GPR89B: variants seen among roughly 807,000 people sequenced by gnomAD.
GPR89B encodes G protein-coupled receptor 89B.
Under a neutral mutation model 52.4 loss-of-function variants are expected in GPR89B, and 25 were observed. The ratio of observed to expected loss-of-function variants is 0.48; its 90% confidence interval spans 0.35 to 0.67. The LOEUF is 0.67. GPR89B is among the 30% of genes least tolerant of loss of function. GPR89B has a pLI of 0.01. For missense variants in GPR89B, 146 were observed against 450.2 expected, an observed-to-expected ratio of 0.32 and a Z score of 6.11; for synonymous variants, 52 against 151.2, an observed-to-expected ratio of 0.34 and a Z score of 4.81.
chr1:148,015,743 T>C, the GPR89B span, among the ~76,000 whole-genome samples: 4 of 149,828 alleles, frequency 2.7e-5, no homozygotes, highest in Non-Finnish European at 5.9e-5. Context: ...TAGTCATTCT[T>C]GTACGGGCAT....
At chr1:148,019,838 A>AG in the GPR89B span, among the ~76,000 whole-genome samples, 80 of 152,014 alleles carry the variant, frequency 5.3e-4, 2 homozygotes, top group Admixed American at 7.8e-4. Context: ...AGGTGAAGAG[A>AG]AGAATTCTGG....
chr1:147,942,216 A>G (rs1654612430), intron 3 of GPR89B, among the ~76,000 whole-genome samples: 2 of 151,882 alleles, frequency 1.3e-5, no homozygotes, highest in Non-Finnish European at 2.9e-5. Flanking sequence ...TAGATGCCCA[A>G]TACCATTAGC....
intron 5 of GPR89B, among the ~76,000 whole-genome samples, chr1:147,949,036 G>A (rs371976853): frequency 6.6e-6 from 1 of 152,054 alleles, no homozygotes; most frequent in South Asian, 2.1e-4. Context: ...ATTTAACCCT[G>A]AGTGGACACA....
intron 7 of GPR89B, among the ~76,000 whole-genome samples, chr1:147,963,642 A>G (rs1425927673): frequency 6.6e-6 from 1 of 152,148 alleles, no homozygotes; most frequent in African/African-American, 2.4e-5. Flanking sequence ...ACATCGAGAT[A>G]ATCACTACAC....
chr1:148,002,386 A>G, the GPR89B span, among the ~76,000 whole-genome samples: 1 of 152,052 alleles, frequency 6.6e-6, no homozygotes, highest in African/African-American at 2.4e-5. Flanking sequence ...CTATTACAGC[A>G]CCTTACCTAC....
chr1:148,009,584 A>T, the GPR89B span: 2 of 1,492,340 alleles, frequency 1.3e-6, no homozygotes, highest in East Asian at 4.5e-5. Context: ...TTCTGACCAG[A>T]TCCACAACCT....
intron 11 of GPR89B, among the ~76,000 whole-genome samples, chr1:147,987,160 A>C (rs1477478782): frequency 6.6e-6 from 1 of 152,228 alleles, no homozygotes; most frequent in Non-Finnish European, 1.5e-5. Context: ...CTAGATCAAT[A>C]GTGTATCCTC....
intron 10 of GPR89B, among the ~76,000 whole-genome samples, chr1:147,978,692 G>C (rs1658019570): frequency 6.6e-6 from 1 of 151,786 alleles, no homozygotes; most frequent in Admixed American, 6.5e-5. Context: ...CATTTCTGCA[G>C]GGAGGCCTCG....
At chr1:148,022,189 G>A in the GPR89B span, among the ~76,000 whole-genome samples, 4 of 151,490 alleles carry the variant, frequency 2.6e-5, no homozygotes, top group African/African-American at 9.7e-5. Context: ...TTTTCTTCTC[G>A]CTTCTACAGT....
At chr1:147,944,974 C>T (rs1316793094) in intron 5 of GPR89B, among the ~76,000 whole-genome samples, 1 of 151,674 alleles carries the variant, frequency 6.6e-6, no homozygotes, top group Non-Finnish European at 1.5e-5. Flanking sequence ...ACAGAATCTA[C>T]TGTAACTAAT....
At chr1:148,008,031 C>A in the GPR89B span, among the ~76,000 whole-genome samples, 1 of 151,422 alleles carries the variant, frequency 6.6e-6, no homozygotes, top group South Asian at 2.1e-4. Context: ...TTAATATTTT[C>A]AGACCACAGT....
chr1:147,941,826 A>G (rs11488331), intron 3 of GPR89B, among the ~76,000 whole-genome samples: 5 of 152,176 alleles, frequency 3.3e-5, no homozygotes, highest in Non-Finnish European at 4.4e-5. Flanking sequence ...CTAGAATTCT[A>G]TTTTATAATA....
Position 147,950,311 on chromosome 1 carries a change from G to T in GPR89B, c.416-3034G>T, listed in dbSNP as rs1416661868. On this transcript the variant is annotated intron_variant, in intron 5 of 13. Transcript: ENST00000314163. ...ATCCCAGACGGGGCGGCGGGGCAGA[G>T]GCGCTCCCCACATCTTAGACGATGG... Among the ~76,000 whole-genome samples, 1,109 of 151,022 alleles carry T rather than the reference G, an allele frequency of 7.3e-3. 20 individuals carry two copies. Among genetic ancestry groups the T allele is most frequent in the East Asian group, 0.044 (221 of 5,022 alleles).
At chr1:147,950,075 A>T (rs1306297227) in intron 5 of GPR89B, among the ~76,000 whole-genome samples, 2 of 139,216 alleles carry the variant, frequency 1.4e-5, no homozygotes, top group Non-Finnish European at 3.1e-5. Flanking sequence ...CGGGGGGCTG[A>T]TCCCCCCACC....
At chr1:148,010,417 TAAGAA>T in the GPR89B span, 2 of 152,164 alleles carry the variant, frequency 1.3e-5, no homozygotes, top group African/African-American at 4.8e-5. Context: ...AGAGTGTAGT[TAAGAA>T]AAGAAATATT....
At chr1:147,998,881 A>C in the GPR89B span, among the ~76,000 whole-genome samples, 1 of 66,730 alleles carries the variant, frequency 1.5e-5, no homozygotes, top group Non-Finnish European at 2.9e-5. Context: ...ACTCTGTCTC[A>C]AAAAAAAAAA....
the GPR89B span, chr1:148,011,138 T>A: frequency 6.6e-6 from 1 of 152,192 alleles, no homozygotes; most frequent in African/African-American, 2.4e-5. Context: ...CAGGCCTTCT[T>A]ACCCTTCATG....
At chr1:147,981,903 C>T (rs1440292782) in intron 10 of GPR89B, among the ~76,000 whole-genome samples, 21 of 151,798 alleles carry the variant, frequency 1.4e-4, no homozygotes, top group Admixed American at 9.2e-4. Context: ...CCACCAGCCT[C>T]GGCCTCCCAA....
chr1:147,928,682 T>TA, intron 1 of GPR89B, 104 bp downstream of exon 1: 1 of 1,496,230 alleles, frequency 6.7e-7, no homozygotes, highest in Non-Finnish European at 9.3e-7. Flanking sequence ...GCTCCTCTCT[T>TA]ACGCGGCCTG....
Sources: allele counts gnomAD v4.1 joint callset (sites outside exome capture counted in the v4.1 genomes callset), GRCh38; gene constraint gnomAD v4.1.1; transcripts MANE v1.5; gene names NCBI Gene and HGNC (gene_info 2026-07-23, HGNC 2026-07-21).